The following C8orf34 variants were observed in gnomAD, a reference collection of about 807,000 sequenced individuals.
C8orf34 encodes the protein chromosome 8 open reading frame 34.
In C8orf34, 65 loss-of-function variants were observed where a neutral mutation model predicts 68.3. The ratio of observed to expected loss-of-function variants is 0.95; its 90% CI spans 0.78 to 1.17. The LOEUF is 1.17. Among genes scored for constraint, C8orf34 ranks in the 50% most tolerant of loss-of-function variants. C8orf34 has a pLI of 0.00. For synonymous variants in C8orf34, 244 were observed against 241.2 expected, an observed-to-expected ratio of 1.01 and a Z score of -0.11; for missense variants, 664 against 655.4, an observed-to-expected ratio of 1.01 and a Z score of -0.14.
At chr8:68,717,288 G>T (rs559700405) in intron 9 of C8orf34, among the ~76,000 whole-genome samples, 1 of 152,262 alleles carries the variant, frequency 6.6e-6, no homozygotes, top group South Asian at 2.1e-4. Context: ...GACAGGAGTT[G>T]TCTCCCACAC....
At chr8:68,359,453 T>C (rs944854044) in intron 1 of C8orf34, among the ~76,000 whole-genome samples, 7 of 152,154 alleles carry the variant, frequency 4.6e-5, no homozygotes, top group Admixed American at 2.6e-4. Context: ...ATTAAAACCT[T>C]AATGGGGATT....
intron 6 of C8orf34, among the ~76,000 whole-genome samples, chr8:68,522,408 A>G (rs989685680): frequency 2.0e-5 from 3 of 152,196 alleles, no homozygotes; most frequent in African/African-American, 7.2e-5. Context: ...TATTGACCAT[A>G]AAGAAAGAGA....
intron 10 of C8orf34, among the ~76,000 whole-genome samples, chr8:68,758,191 A>G (rs1275102811): frequency 3.3e-5 from 5 of 152,250 alleles, no homozygotes; most frequent in Non-Finnish European, 7.3e-5. Flanking sequence ...CCAGTCTAGG[A>G]TGCCCACTGC....
intron 7 of C8orf34, among the ~76,000 whole-genome samples, chr8:68,595,623 T>G (rs1817526459): frequency 6.6e-6 from 1 of 152,136 alleles, no homozygotes; most frequent in Non-Finnish European, 1.5e-5. Flanking sequence ...TCTGAGGACT[T>G]GTATGTTTAA....
intron 7 of C8orf34, among the ~76,000 whole-genome samples, chr8:68,593,632 G>A (rs1817460078): frequency 1.3e-5 from 2 of 151,726 alleles, no homozygotes; most frequent in African/African-American, 4.8e-5. Context: ...ATATTTTCCT[G>A]TTCACATTTT....
chr8:68,604,391 T>A (rs1042514099), intron 7 of C8orf34, among the ~76,000 whole-genome samples: 1 of 151,682 alleles, frequency 6.6e-6, no homozygotes, highest in African/African-American at 2.4e-5. Context: ...AGATAAACAA[T>A]GTTTACTTTA....
intron 1 of C8orf34, among the ~76,000 whole-genome samples, chr8:68,428,093 A>T (rs910937585): frequency 1.3e-5 from 2 of 151,734 alleles, no homozygotes; most frequent in Admixed American, 1.3e-4. Context: ...AGGAAACAAA[A>T]GAAAATGGAG....
At chr8:68,621,391 G>C (rs1443238973) in intron 7 of C8orf34, among the ~76,000 whole-genome samples, 2 of 152,126 alleles carry the variant, frequency 1.3e-5, no homozygotes, top group African/African-American at 4.8e-5. Flanking sequence ...TATAATTGTG[G>C]TTTGAATTTA....
At chr8:68,460,804 A>T (rs1201881369) in intron 3 of C8orf34, among the ~76,000 whole-genome samples, 1 of 151,932 alleles carries the variant, frequency 6.6e-6, no homozygotes, top group African/African-American at 2.4e-5. Flanking sequence ...CATCACCATC[A>T]TCAAAGACCA....
At chr8:68,739,404 A>G (rs1266610135) in intron 10 of C8orf34, among the ~76,000 whole-genome samples, 1 of 152,090 alleles carries the variant, frequency 6.6e-6, no homozygotes, top group African/African-American at 2.4e-5. Context: ...CTCAGGATAC[A>G]AAATCAATGT....
At chr8:68,794,476 A>ATATATATATAT (rs1563673872) in intron 12 of C8orf34, among the ~76,000 whole-genome samples, 1 of 111,636 alleles carries the variant, frequency 9.0e-6, no homozygotes, top group African/African-American at 4.7e-5. Context: ...CCAGTATATA[A>ATATATATATAT]ATATAAATAT....
At chr8:68,357,092 GT>G (rs1207699490) in intron 1 of C8orf34, among the ~76,000 whole-genome samples, 1 of 151,954 alleles carries the variant, frequency 6.6e-6, no homozygotes, top group African/African-American at 2.4e-5. Context: ...AGTTGGAATT[GT>G]TTTGGTCATT....
chr8:68,756,183 T>G (rs1822855628), intron 10 of C8orf34, among the ~76,000 whole-genome samples: 1 of 152,116 alleles, frequency 6.6e-6, no homozygotes, highest in Admixed American at 6.5e-5. Context: ...ATGGCCCCTG[T>G]GCTGAATACA....
chr8:68,805,504 A>C (rs1366712390), intron 12 of C8orf34, among the ~76,000 whole-genome samples: 3 of 152,140 alleles, frequency 2.0e-5, no homozygotes, highest in Non-Finnish European at 2.9e-5. Flanking sequence ...CTGCTTTATA[A>C]ATTTTGGTGC....
intron 3 of C8orf34, among the ~76,000 whole-genome samples, chr8:68,462,599 CCA>C (rs1811894079): frequency 6.6e-6 from 1 of 151,866 alleles, no homozygotes; most frequent in African/African-American, 2.4e-5. Flanking sequence ...GTCTCTCAGA[CCA>C]CAGTGCAATC....
chr8:68,763,187 A>G (rs1045750034), intron 10 of C8orf34, among the ~76,000 whole-genome samples: 9 of 152,198 alleles, frequency 5.9e-5, no homozygotes, highest in Admixed American at 6.5e-5. Context: ...AAAATTTAAG[A>G]CTAGGCTGAA....
intron 2 of C8orf34, among the ~76,000 whole-genome samples, chr8:68,442,899 G>A (rs1336598519): frequency 6.6e-6 from 1 of 152,210 alleles, no homozygotes; most frequent in African/African-American, 2.4e-5. Flanking sequence ...CTGAAGTAAG[G>A]CTGTGAGATT....
At chr8:68,413,962 T>G (rs970727780) in intron 1 of C8orf34, among the ~76,000 whole-genome samples, 2 of 152,198 alleles carry the variant, frequency 1.3e-5, no homozygotes, top group African/African-American at 4.8e-5. Flanking sequence ...TTAGCTCACA[T>G]GCTATTTCAT....
At chr8:68,348,226 T>C (rs1469588479) in intron 1 of C8orf34, among the ~76,000 whole-genome samples, 1 of 152,088 alleles carries the variant, frequency 6.6e-6, no homozygotes, top group African/African-American at 2.4e-5. Context: ...GGAGTTTTTT[T>C]CCCCATTGCT....
Sources: allele counts gnomAD v4.1 joint callset (sites outside exome capture counted in the v4.1 genomes callset), GRCh38; gene constraint gnomAD v4.1.1; transcripts MANE v1.5; gene names NCBI Gene and HGNC (gene_info 2026-07-23, HGNC 2026-07-21).